The following SLC25A28 variants were observed in gnomAD, a reference collection of about 807,000 sequenced individuals.
The protein encoded by SLC25A28 is mitoferrin-2.
SLC25A28 carries 10 observed loss-of-function variants against 31.9 expected under a neutral mutation model. That is an observed-to-expected ratio of 0.31 (90% CI 0.19 to 0.53). The LOEUF is 0.53. Among genes scored for constraint, SLC25A28 ranks in the 20% least tolerant of loss-of-function variants. The pLI, the probability that SLC25A28 is intolerant of heterozygous loss-of-function variation, is 0.95. For synonymous variants in SLC25A28, 208 were observed against 203.6 expected (o/e 1.02, Z -0.19); for missense variants, 256 against 490.3 (o/e 0.52, Z 4.51).
At chr10:99,627,548 C>A in the SLC25A28 span, among the ~76,000 whole-genome samples, 15 of 151,990 alleles carry the variant, frequency 9.9e-5, no homozygotes, top group East Asian at 2.9e-3. Flanking sequence ...TCAAGCGATC[C>A]TCCTGCTTCT....
upstream of SLC25A28, chr10:99,620,750 T>C: frequency 2.0e-6 from 2 of 985,504 alleles, no homozygotes; most frequent in South Asian, 4.7e-5. Flanking sequence ...CTTGATACTT[T>C]GACCGCGGCC....
the SLC25A28 span, among the ~76,000 whole-genome samples, chr10:99,651,594 C>CTTTTTTTTTTTTTCTTTTTTTTTTTTT: frequency 9.1e-6 from 1 of 110,174 alleles, no homozygotes; most frequent in Non-Finnish European, 1.8e-5. Context: ...TTTTTCTTTT[C>CTTTTTTTTTTTTTCTTTTTTTTTTTTT]TTTTTTTTTT....
the SLC25A28 span, among the ~76,000 whole-genome samples, chr10:99,628,990 A>G: frequency 1.3e-5 from 2 of 152,202 alleles, no homozygotes. Context: ...AGTTAAACAT[A>G]GAATTACTAT....
the SLC25A28 span, among the ~76,000 whole-genome samples, chr10:99,626,552 C>T: frequency 2.6e-5 from 4 of 152,314 alleles, no homozygotes; most frequent in Admixed American, 2.6e-4. Context: ...AAAAGTGTGA[C>T]CTGACTCACT....
chr10:99,630,658 A>T, the SLC25A28 span, among the ~76,000 whole-genome samples: 3 of 152,234 alleles, frequency 2.0e-5, no homozygotes, highest in South Asian at 4.1e-4. Context: ...TAATAGTGCT[A>T]GCCAATTCAT....
upstream of SLC25A28, chr10:99,620,638 T>G (rs993206853): frequency 2.0e-6 from 2 of 990,576 alleles, no homozygotes; most frequent in Non-Finnish European, 2.4e-6. Flanking sequence ...AGAAGCTTCT[T>G]GTTTATTGGT....
rs900832996 is a variant in SLC25A28, at chr10:99,619,055, CTT to C, written c.291+988_291+989del. 4 of 985,310 alleles carry C rather than the reference CTT, an allele frequency of 4.1e-6. No homozygotes were observed. The Admixed American group carries it at 2.5e-4, about 61-fold the overall frequency. 61.0% of individuals were successfully genotyped at this position (985,310 alleles called of 1,614,324 possible). ...AGTCCTCACCTTTAATGGCTGGCAC[CTT>C]TACTAATGTACAAGAATAAGAACTG... On this transcript the variant is annotated intron_variant, in intron 1 of 3. Coordinates refer to ENST00000370495, the MANE Select transcript of SLC25A28 (RefSeq NM_031212.4).
At chr10:99,649,114 TTAAGG>T in the SLC25A28 span, among the ~76,000 whole-genome samples, 53 of 152,308 alleles carry the variant, frequency 3.5e-4, no homozygotes, top group African/African-American at 1.3e-3. Flanking sequence ...CCTTATTATG[TTAAGG>T]TATGTTTCTT....
the SLC25A28 span, among the ~76,000 whole-genome samples, chr10:99,626,973 T>G: frequency 6.6e-6 from 1 of 152,260 alleles, no homozygotes; most frequent in South Asian, 2.1e-4. Context: ...TGGCCAGATA[T>G]GGTGGCTCAC....
chr10:99,630,448 G>A, the SLC25A28 span, among the ~76,000 whole-genome samples: 1 of 152,020 alleles, frequency 6.6e-6, no homozygotes, highest in African/African-American at 2.4e-5. Context: ...CAAACTTTTT[G>A]ACCCTAACAT....
the SLC25A28 span, among the ~76,000 whole-genome samples, chr10:99,632,528 A>G: frequency 6.6e-6 from 1 of 152,180 alleles, no homozygotes; most frequent in South Asian, 2.1e-4. Context: ...TACTATAGTT[A>G]GACCTCAACA....
the SLC25A28 span, among the ~76,000 whole-genome samples, chr10:99,644,596 T>C: frequency 6.6e-6 from 1 of 152,200 alleles, no homozygotes; most frequent in South Asian, 2.1e-4. Flanking sequence ...ATCCTGTCAT[T>C]ATGATGTTAG....
At chr10:99,627,811 C>T in the SLC25A28 span, among the ~76,000 whole-genome samples, 130,616 of 152,020 alleles carry the variant, frequency 0.86, 56,194 homozygotes, top group Middle Eastern at 0.92. Context: ...TGCTATCAAA[C>T]AGTAGGTCTT....
At chr10:99,616,744 C>A (rs2034666314) in intron 1 of SLC25A28, 1 of 984,922 alleles carries the variant, frequency 1.0e-6, no homozygotes, top group Non-Finnish European at 1.2e-6. Context: ...GCTTGAGAGT[C>A]TGATACACTG....
chr10:99,654,095 G>A, the SLC25A28 span, among the ~76,000 whole-genome samples: 1 of 152,128 alleles, frequency 6.6e-6, no homozygotes, highest in Non-Finnish European at 1.5e-5. Context: ...TCAGAGGTGA[G>A]AAAAGTTATA....
chr10:99,629,605 C>T, the SLC25A28 span, among the ~76,000 whole-genome samples: 1 of 152,206 alleles, frequency 6.6e-6, no homozygotes, highest in African/African-American at 2.4e-5. Context: ...AAACAAAGAA[C>T]TGATACATGC....
At chr10:99,627,773 G>A in the SLC25A28 span, among the ~76,000 whole-genome samples, 2 of 152,046 alleles carry the variant, frequency 1.3e-5, no homozygotes, top group Non-Finnish European at 2.9e-5. Flanking sequence ...GTACAATTAA[G>A]TTATTATTAA....
At position 99,620,107 on chromosome 10, in the gene SLC25A28, C is replaced by T. The variant is rs2034749486; in HGVS notation, c.229G>A (p.Val77Met). 2.5e-6 allele frequency: 4 copies of T among 1,586,252 alleles called. No individual in the cohort carries two copies. Among genetic ancestry groups the T allele is most frequent in the Non-Finnish European group, 3.4e-6 (4 of 1,173,810 alleles). The stretch of plus-strand genomic sequence containing the variant: ...AGGATCCCTGCCACGGCGCCTGCCA[C>T]CATGTGCGTGGTGACAGTGGCTCCA... ...PAGATVTTHM[V>M]AGAVAGILEH... The change falls in exon 1 of 4, where the codon GTG (valine) becomes ATG (methionine). Residue 77 changes from valine to methionine, a missense_variant. Val to Met is a conservative substitution (Grantham distance 21). This residue lies in a region of SLC25A28 where 41 missense variants were observed against 41.7 expected (regional missense o/e 0.98). Coordinates refer to ENST00000370495, the MANE Select transcript of SLC25A28 (RefSeq NM_031212.4).
At chr10:99,638,064 C>G in the SLC25A28 span, among the ~76,000 whole-genome samples, 2 of 152,090 alleles carry the variant, frequency 1.3e-5, no homozygotes, top group Non-Finnish European at 2.9e-5. Context: ...AGGCCATAGT[C>G]ACCAAAATAG....
Sources: allele counts gnomAD v4.1 joint callset (sites outside exome capture counted in the v4.1 genomes callset), GRCh38; gene constraint gnomAD v4.1.1; regional missense constraint gnomAD v4.1.1; transcripts MANE v1.5; gene names NCBI Gene and HGNC (gene_info 2026-07-23, HGNC 2026-07-21).